Variants in TSPAN2 observed in about 807,000 individuals in gnomAD.
TSPAN2 encodes tetraspanin-2.
In TSPAN2, 24 loss-of-function variants were observed where a neutral mutation model predicts 33.3. That is an observed-to-expected ratio of 0.72 (90% CI 0.52 to 1.01). The LOEUF is 1.01. TSPAN2 is among the 50% of genes least tolerant of loss of function. TSPAN2 has a pLI of 0.00. For synonymous variants in TSPAN2, 114 were observed against 104.5 expected (o/e 1.09, Z -0.56); for missense variants, 278 against 281.3 (o/e 0.99, Z 0.08).
chr1:115,080,598 C>CATAGCAAATGTATACAT (rs1300475655), intron 1 of TSPAN2, among the ~76,000 whole-genome samples: 1 of 152,138 alleles, frequency 6.6e-6, no homozygotes, highest in Non-Finnish European at 1.5e-5. Context: ...TTATACTATA[C>CATAGCAAATGTATACAT]AGCAAAATGA....
chr1:115,061,507 A>C (rs1161842429), intron 3 of TSPAN2, among the ~76,000 whole-genome samples: 1 of 152,216 alleles, frequency 6.6e-6, no homozygotes, highest in Non-Finnish European at 1.5e-5. Flanking sequence ...CTGGCTATAG[A>C]AACCTTTTAG....
Position 115,053,375 on chromosome 1 carries a change from T to G in TSPAN2, c.600+4A>C, listed in dbSNP as rs1557875490. The G allele has an allele frequency of 6.2e-7, 1 of 1,613,790 alleles. No individual in the cohort carries two copies. Among genetic ancestry groups the G allele is most frequent in the Non-Finnish European group, 8.5e-7 (1 of 1,179,710 alleles). On this transcript the variant is annotated splice_donor_region_variant and intron_variant, in intron 7 of 7. Coordinates refer to ENST00000369516, the MANE Select transcript of TSPAN2 (RefSeq NM_005725.6). ...AAAAAGGGTAAGTTCTAGAACTTTC[T>G]CACCGTCAGACCTGCAATTCCAATA...
chr1:115,088,722 G>A (rs1291484454), intron 1 of TSPAN2, among the ~76,000 whole-genome samples: 2 of 152,110 alleles, frequency 1.3e-5, no homozygotes, highest in African/African-American at 4.8e-5. Flanking sequence ...CCCTTTAGAA[G>A]CCCTTCCATT....
intron 6 of TSPAN2, among the ~76,000 whole-genome samples, chr1:115,054,583 A>G (rs1355841543): frequency 2.0e-5 from 3 of 152,122 alleles, no homozygotes; most frequent in African/African-American, 7.2e-5. Context: ...TCCTTCTCCT[A>G]TACACTTAGA....
At chr1:115,055,698 A>G (rs562348706) in intron 6 of TSPAN2, among the ~76,000 whole-genome samples, 17 of 152,070 alleles carry the variant, frequency 1.1e-4, no homozygotes, top group Non-Finnish European at 2.2e-4. Flanking sequence ...TAATTTTTGT[A>G]TTTTTAGTAG....
chr1:115,072,988 A>G lies in TSPAN2; in HGVS notation c.89T>C (p.Ile30Thr), dbSNP rs781678986. The G allele has an allele frequency of 1.2e-6, 2 of 1,614,130 alleles. No homozygotes were observed. The highest frequency in any genetic ancestry group is 2.2e-5 in the South Asian group (2 of 91,082). Residue 30 changes from isoleucine (I) to threonine (T), a missense_variant, in exon 2 of 8, where the codon ATT becomes ACT. Transcript: ENST00000369516. ...LLFWLAGSAV[I>T]AFGLWFRFGG... The stretch of plus-strand genomic sequence containing the variant: ...GAACCGAAACCATAGTCCAAAAGCA[A>G]TGACGGCCGATCCAGCCAGCTGGAA...
chr1:115,084,943 T>G (rs1433332726), intron 1 of TSPAN2, among the ~76,000 whole-genome samples: 3 of 152,186 alleles, frequency 2.0e-5, no homozygotes, highest in Admixed American at 1.3e-4. Context: ...TTTTCAACAA[T>G]GAACAGCTCT....
At chr1:115,051,927 A>G (rs1349037915) in intron 7 of TSPAN2, among the ~76,000 whole-genome samples, 3 of 152,196 alleles carry the variant, frequency 2.0e-5, no homozygotes, top group Non-Finnish European at 2.9e-5. Context: ...TAGGCTCACT[A>G]TGGGCATTTC....
At chr1:115,056,731 T>C (rs975836845) in intron 6 of TSPAN2, among the ~76,000 whole-genome samples, 41 of 152,184 alleles carry the variant, frequency 2.7e-4, no homozygotes, top group African/African-American at 9.4e-4. Context: ...GGACTTCATG[T>C]TCATCCCTCC....
chr1:115,078,601 T>C (rs1648505793), intron 1 of TSPAN2, among the ~76,000 whole-genome samples: 1 of 152,018 alleles, frequency 6.6e-6, no homozygotes. Context: ...CTCTCCACCA[T>C]ATGAAGACAT....
At position 115,064,519 on chromosome 1, in the gene TSPAN2, C is replaced by G. The variant is rs540921671; in HGVS notation, c.173-2287G>C. On this transcript the variant is annotated intron_variant, in intron 2 of 7. Coordinates refer to ENST00000369516, the MANE Select transcript of TSPAN2 (RefSeq NM_005725.6). ...TGATCTGGCTGTGTCCTGCTCTTTT[C>G]CATTTTGTGCTTTTGCAGGTTCTCA... Among the ~76,000 whole-genome samples, 13 of 152,316 alleles carry G rather than the reference C, an allele frequency of 8.5e-5. No homozygotes were observed. The South Asian group carries it at 2.7e-3, about 32-fold the overall frequency.
At chr1:115,053,483 CG>C (rs761829042) in intron 6 of TSPAN2, 21 bp from the exon 7 acceptor site, 4 of 1,609,084 alleles carry the variant, frequency 2.5e-6, no homozygotes, top group South Asian at 1.1e-5. Flanking sequence ...GAAAAAAAGT[CG>C]GGAATAAAAA....
At chr1:115,058,796 T>C (rs1206398265) in intron 5 of TSPAN2, 87 bp downstream of exon 5, 4 of 1,203,036 alleles carry the variant, frequency 3.3e-6, no homozygotes, top group Middle Eastern at 1.9e-4. Context: ...AATTTATTTT[T>C]ATTTTTAATC....
rs1207367178 is a variant in TSPAN2, at chr1:115,051,264, GCAC to G, written c.601-712_601-710del. Among the ~76,000 whole-genome samples the G allele has an allele frequency of 4.6e-5, 7 of 152,084 alleles. No individual in the cohort carries two copies. In the East Asian group the frequency reaches 1.4e-3, roughly 29 times the overall value. ...GTCGAGGCTGCAGTGAGCTGTGATT[GCAC>G]CACTTCACTCCCTGGTGACAGAGAC... On this transcript the variant is annotated intron_variant, in intron 7 of 7. Transcript: ENST00000369516.
At position 115,057,563 on chromosome 1, in the gene TSPAN2, A is replaced by T; in HGVS notation, c.490T>A (p.Cys164Ser). The T allele has an allele frequency of 6.2e-7, 1 of 1,614,152 alleles. No homozygotes were observed. The highest frequency in any genetic ancestry group is 1.1e-5 in the South Asian group (1 of 91,084). ...KESSEQVQPTCPKELLGHKNC... is the reference protein window; with the variant it reads ...KESSEQVQPTSPKELLGHKNC... ...TTGTGTCCTAGAAGCTCCTTTGGGC[A>T]TGTAGGTTGGACCTGTTCGGAGCTT... The change falls in exon 6 of 8, where the codon TGC (cysteine) becomes AGC (serine). Residue 164 changes from cysteine (C) to serine (S), a missense_variant. By Grantham distance (112) the Cys-to-Ser change is moderately radical. Transcript: ENST00000369516.
At chr1:115,054,351 T>A (rs1647309599) in intron 6 of TSPAN2, among the ~76,000 whole-genome samples, 1 of 152,196 alleles carries the variant, frequency 6.6e-6, no homozygotes, top group Admixed American at 6.5e-5. Flanking sequence ...TTCTTGAGCA[T>A]CTACCTTGCA....
chr1:115,078,004 C>T (rs916065174), intron 1 of TSPAN2, among the ~76,000 whole-genome samples: 1 of 152,232 alleles, frequency 6.6e-6, no homozygotes, highest in Admixed American at 6.5e-5. Flanking sequence ...TAAAAAGCAT[C>T]ATTTAGGGAA....
Position 115,058,899 on chromosome 1 carries a change from A to G in TSPAN2, c.428T>C (p.Ile143Thr), listed in dbSNP as rs1557877241. ...KDRGKGNGTL[I>T]TFHSTFQCCG... ...GTTACTCACTGTTGAGTGGAAGGTG[A>G]TGAGTGTCCCATTGCCTTTTCCCCT... Residue 143 changes from isoleucine to threonine, a missense_variant, in exon 5 of 8, where the codon ATC becomes ACC. Coordinates refer to ENST00000369516, the MANE Select transcript of TSPAN2 (RefSeq NM_005725.6). 1 of 1,613,280 alleles carries G rather than the reference A, an allele frequency of 6.2e-7. No homozygotes were observed. The highest frequency in any genetic ancestry group is 1.7e-5 in the Admixed American group (1 of 60,016).
In TSPAN2 at chr1:115,069,272, G is replaced by C. The variant is rs147836968; in HGVS notation, c.172+3633C>G. 4.1e-4 allele frequency among the ~76,000 whole-genome samples: 63 copies of C among 152,254 alleles called. No homozygotes were observed. The East Asian group carries it at 9.3e-3, about 22-fold the overall frequency. ...CACTTCTTTTTCTCTATTAGGTAAA[G>C]GGAACTCCTCCATTCTCAGCCCATG... On this transcript the variant is annotated intron_variant, in intron 2 of 7. Transcript: ENST00000369516.
Sources: gnomAD v4.1 joint callset for allele counts (sites outside exome capture counted in the v4.1 genomes callset) on GRCh38, gnomAD v4.1.1 for gene constraint, MANE v1.5 for transcripts, NCBI Gene and HGNC (gene_info 2026-07-23, HGNC 2026-07-21) for gene names.